Variants in SLC2A14 observed in about 807,000 individuals in gnomAD.
SLC2A14 encodes the protein solute carrier family 2 member 14.
A neutral mutation model predicts 43.0 loss-of-function variants in SLC2A14; 13 were observed. The observed-to-expected ratio is 0.30, with a 90% CI of 0.20 to 0.48. The LOEUF is 0.48. Ranked by LOEUF, SLC2A14 falls within the 20% of genes least tolerant of loss-of-function variation. The pLI, the probability that SLC2A14 is intolerant of heterozygous loss-of-function variation, is 0.99. For missense variants in SLC2A14, 428 were observed against 620.4 expected (o/e 0.69, Z 3.29); for synonymous variants, 190 against 233.8 (o/e 0.81, Z 1.71).
chr12:7,875,167 T>TATTATATTTAAAATTAAATATATATAC (rs1592325747), upstream of SLC2A14, among the ~76,000 whole-genome samples: 5 of 10,408 alleles, frequency 4.8e-4, no homozygotes, highest in East Asian at 3.9e-3. Flanking sequence ...AATATATATA[T>TATTATATTTAAAATTAAATATATATAC]TTAATTATAT....
intron 6 of SLC2A14, among the ~76,000 whole-genome samples, 200 bp from the exon 7 acceptor site, chr12:7,827,882 T>G (rs1864633062): frequency 6.6e-6 from 1 of 152,160 alleles, no homozygotes; most frequent in African/African-American, 2.4e-5. Context: ...GGCTCGTGCC[T>G]GTAATCCCAG....
At chr12:7,861,571 G>A (rs12818325) in intron 2 of SLC2A14, among the ~76,000 whole-genome samples, 1 of 152,056 alleles carries the variant, frequency 6.6e-6, no homozygotes, top group Non-Finnish European at 1.5e-5. Context: ...CTGTATTTCA[G>A]CCTCTACTTA....
At chr12:7,841,279 A>AT (rs575104229) in intron 2 of SLC2A14, among the ~76,000 whole-genome samples, 2 of 151,648 alleles carry the variant, frequency 1.3e-5, no homozygotes, top group Non-Finnish European at 2.9e-5. Flanking sequence ...TATTGTTATT[A>AT]TTTTTTTCTT....
chr12:7,869,694 G>T, intron 2 of SLC2A14, among the ~76,000 whole-genome samples, 169 bp downstream of exon 2: 1 of 152,102 alleles, frequency 6.6e-6, no homozygotes, highest in East Asian at 1.9e-4. Flanking sequence ...TGAATAAAAA[G>T]ATTTTGGGAA....
intron 2 of SLC2A14, among the ~76,000 whole-genome samples, chr12:7,841,326 T>C (rs1865927904): frequency 6.6e-6 from 1 of 152,168 alleles, no homozygotes; most frequent in African/African-American, 2.4e-5. Context: ...AGTGCCATGA[T>C]CTCGGCTCAC....
At chr12:7,820,250 T>C (rs1006979866) in intron 8 of SLC2A14, among the ~76,000 whole-genome samples, 6 of 147,338 alleles carry the variant, frequency 4.1e-5, no homozygotes, top group Admixed American at 6.8e-5. Flanking sequence ...CTTCATCTGG[T>C]TGTGTATTTC....
At chr12:7,847,178 G>T (rs924379949) in intron 2 of SLC2A14, among the ~76,000 whole-genome samples, 1 of 151,982 alleles carries the variant, frequency 6.6e-6, no homozygotes, top group South Asian at 2.1e-4. Context: ...CTTGAACCTG[G>T]GAGGCAGAGG....
intron 2 of SLC2A14, among the ~76,000 whole-genome samples, chr12:7,841,953 C>T (rs557575399): frequency 6.6e-5 from 10 of 151,282 alleles, no homozygotes; most frequent in East Asian, 2.0e-4. Flanking sequence ...TACAGTGAGC[C>T]GAGATTGCAC....
chr12:7,886,912 C>CTTTTT (rs11442108), intron 1 of SLC2A14, among the ~76,000 whole-genome samples: 3 of 131,870 alleles, frequency 2.3e-5, no homozygotes, highest in Non-Finnish European at 3.2e-5. Context: ...TAATGATTTT[C>CTTTTT]TTTTTTTTTT....
At chr12:7,877,335 G>A (rs776118503), upstream of SLC2A14, among the ~76,000 whole-genome samples, 2 of 151,998 alleles carry the variant, frequency 1.3e-5, no homozygotes, top group Non-Finnish European at 2.9e-5. Flanking sequence ...TTAACACAAG[G>A]TCTTGCTCTG....
At chr12:7,886,151 CTTTTTTTTTTTTT>C (rs3044922) in intron 1 of SLC2A14, among the ~76,000 whole-genome samples, 4 of 44,696 alleles carry the variant, frequency 8.9e-5, no homozygotes, top group Non-Finnish European at 1.6e-4. Flanking sequence ...GCCCGGACAG[CTTTTTTTTTTTTT>C]TTTTTTTTTT....
upstream of SLC2A14, among the ~76,000 whole-genome samples, chr12:7,876,181 G>A (rs1945460336): frequency 2.0e-5 from 3 of 149,610 alleles, no homozygotes; most frequent in South Asian, 4.2e-4. Flanking sequence ...CCTGGGAGGT[G>A]GAGGCAGGAG....
At chr12:7,882,205 C>G (rs1268766827) in intron 1 of SLC2A14, among the ~76,000 whole-genome samples, 1 of 151,770 alleles carries the variant, frequency 6.6e-6, no homozygotes, top group Non-Finnish European at 1.5e-5. Context: ...CTTTTGAAGC[C>G]GGTAAGACCA....
chr12:7,847,310 T>C (rs1866552986), intron 2 of SLC2A14, among the ~76,000 whole-genome samples: 1 of 152,068 alleles, frequency 6.6e-6, no homozygotes, highest in South Asian at 2.1e-4. Context: ...TACAGTGGTG[T>C]TTGTACCACT....
At chr12:7,825,459 C>A (rs1401435647) in intron 7 of SLC2A14, among the ~76,000 whole-genome samples, 8 of 131,638 alleles carry the variant, frequency 6.1e-5, no homozygotes, top group South Asian at 2.4e-4. Flanking sequence ...GACTACCTCT[C>A]AAAAAAAAAA....
chr12:7,841,019 C>T (rs1345899231), intron 2 of SLC2A14, among the ~76,000 whole-genome samples: 4 of 151,986 alleles, frequency 2.6e-5, no homozygotes, highest in African/African-American at 4.8e-5. Flanking sequence ...TCCCAGAGGC[C>T]GGGAACATAA....
chr12:7,878,205 C>G (rs187826078), upstream of SLC2A14, among the ~76,000 whole-genome samples: 58 of 152,102 alleles, frequency 3.8e-4, 1 homozygote, highest in African/African-American at 1.3e-3. Context: ...TGGCAGCCAC[C>G]ACGCCTGGCT....
intron 1 of SLC2A14, among the ~76,000 whole-genome samples, chr12:7,881,686 G>T (rs1945576852): frequency 6.6e-6 from 1 of 152,172 alleles, no homozygotes; most frequent in South Asian, 2.1e-4. Context: ...CTGGCAGACA[G>T]CTCCACCTCC....
In SLC2A14 at chr12:7,860,152, C is replaced by T. The variant is rs975889367; in HGVS notation, c.18+9711G>A. Among the ~76,000 whole-genome samples the T allele has an allele frequency of 5.3e-5, 8 of 152,142 alleles. No homozygotes were observed. The East Asian group carries it at 5.8e-4, about 11-fold the overall frequency. On this transcript the variant is annotated intron_variant, in intron 2 of 10. Coordinates refer to ENST00000431042, the MANE Select transcript of SLC2A14 (RefSeq NM_001286234.2). ...TGCGCCATCCCTCCCAGTACTGGCC[C>T]TGGAGAAAAACTGGAAGTGAGAATT...
Sources: allele counts gnomAD v4.1 joint callset (sites outside exome capture counted in the v4.1 genomes callset), GRCh38; gene constraint gnomAD v4.1.1; transcripts MANE v1.5; gene names NCBI Gene and HGNC (gene_info 2026-07-23, HGNC 2026-07-21).